ADAMTS20: variants seen among roughly 807,000 people sequenced by gnomAD.
The protein encoded by ADAMTS20 is A disintegrin and metalloproteinase with thrombospondin motifs 20.
ADAMTS20 carries 225 observed loss-of-function variants against 260.1 expected under a neutral mutation model. The observed-to-expected ratio is 0.87, with a 90% confidence interval of 0.78 to 0.97. The LOEUF (loss-of-function observed/expected upper bound fraction) is 0.97. ADAMTS20 is among the 50% of genes least tolerant of loss of function. The probability of loss-of-function intolerance (pLI) is 0.00; values close to 1 mark genes in which losing one functional copy is unlikely to be tolerated. For missense variants in ADAMTS20, 2,400 were observed against 2,337.7 expected, an observed-to-expected ratio of 1.03 and a Z score of -0.55; for synonymous variants, 802 against 769.5, an observed-to-expected ratio of 1.04 and a Z score of -0.70.
chr12:43,489,095 G>A (rs1942564532), intron 7 of ADAMTS20, among the ~76,000 whole-genome samples: 1 of 151,862 alleles, frequency 6.6e-6, no homozygotes, highest in East Asian at 1.9e-4. Flanking sequence ...AAAACTAAAT[G>A]TCTACCTAAT....
chr12:43,377,407 G>C lies in ADAMTS20; in HGVS notation c.4953C>G (p.Ser1651Arg), dbSNP rs775484149. The change falls in exon 32 of 39, where the codon AGC (serine) becomes AGG (arginine). Residue 1651 changes from serine to arginine, a missense_variant. By Grantham distance (110) the Ser-to-Arg change is moderately radical. Transcript: ENST00000389420. ...PSSQVYQCINSCLHLATWKVG... is the reference protein window; with the variant it reads ...PSSQVYQCINRCLHLATWKVG... Reference sequence around the variant, plus strand: ...CTTTCCAAGTGGCCAAATGCAAACAGCTGTTAATGCATTGGTAAACCTGAG... The same window carrying C: ...CTTTCCAAGTGGCCAAATGCAAACACCTGTTAATGCATTGGTAAACCTGAG... The C allele has an allele frequency of 6.2e-7, 1 of 1,613,302 alleles. No individual in the cohort carries two copies. Among genetic ancestry groups the C allele is most frequent in the South Asian group, 1.1e-5 (1 of 90,958 alleles).
chr12:43,518,514 G>C (rs1419614381), intron 3 of ADAMTS20, among the ~76,000 whole-genome samples: 2 of 151,970 alleles, frequency 1.3e-5, no homozygotes, highest in Non-Finnish European at 2.9e-5. Flanking sequence ...CCATAGTTCA[G>C]TCTTTGGATT....
At chr12:43,501,461 A>ACGCGCGCGCG (rs3036316) in intron 4 of ADAMTS20, among the ~76,000 whole-genome samples, 2 of 131,176 alleles carry the variant, frequency 1.5e-5, no homozygotes, top group Non-Finnish European at 3.3e-5. Context: ...GGAGGGGGAT[A>ACGCGCGCGCG]CGCGCGCGCG....
chr12:43,384,081 G>T, intron 29 of ADAMTS20, 104 bp from the exon 30 acceptor site: 1 of 1,036,872 alleles, frequency 9.6e-7, no homozygotes, highest in Non-Finnish European at 1.3e-6. Flanking sequence ...AATACAGCCT[G>T]GTATTAAAAC....
At chr12:43,540,825 A>G (rs1375644186) in intron 2 of ADAMTS20, among the ~76,000 whole-genome samples, 3 of 152,182 alleles carry the variant, frequency 2.0e-5, no homozygotes, top group African/African-American at 7.2e-5. Context: ...TTTCTTGATT[A>G]CTTGATGATC....
chr12:43,528,367 A>C (rs987866507), intron 3 of ADAMTS20, among the ~76,000 whole-genome samples: 1 of 148,518 alleles, frequency 6.7e-6, no homozygotes, highest in Admixed American at 6.7e-5. Flanking sequence ...AAAAAAAAAA[A>C]AAAAAAACAC....
At chr12:43,477,359 A>G (rs1218498953) in intron 7 of ADAMTS20, among the ~76,000 whole-genome samples, 4 of 152,168 alleles carry the variant, frequency 2.6e-5, no homozygotes. Context: ...TGCAAGAAAT[A>G]TATTCAGTAG....
intron 31 of ADAMTS20, among the ~76,000 whole-genome samples, chr12:43,382,946 A>C (rs1940386308): frequency 6.6e-6 from 1 of 152,028 alleles, no homozygotes; most frequent in Admixed American, 6.6e-5. Flanking sequence ...ACATACTACA[A>C]CCTGATCAAA....
In ADAMTS20 at chr12:43,431,458, C is replaced by G; in HGVS notation, c.3135G>C (p.Gln1045His). The G allele has an allele frequency of 1.2e-6, 2 of 1,613,988 alleles. No individual in the cohort carries two copies. The highest frequency in any genetic ancestry group is 1.7e-6 in the Non-Finnish European group (2 of 1,179,866). ...GATCTACATTCAGCTGACACCATAC[C>G]TGCCGCTGCTTTGTTCCTTTACCAC... ...VTCGKGTKQR[Q>H]VWCQLNVDHL... The change falls in exon 22 of 39, where the codon CAG becomes CAC. Residue 1045 changes from glutamine (Q) to histidine (H), a missense_variant. Gln to His is a conservative substitution (Grantham distance 24). Coordinates refer to ENST00000389420, the MANE Select transcript of ADAMTS20 (RefSeq NM_025003.5).
At chr12:43,441,303 A>G (rs934729004) in intron 16 of ADAMTS20, among the ~76,000 whole-genome samples, 2 of 151,816 alleles carry the variant, frequency 1.3e-5, no homozygotes, top group East Asian at 1.9e-4. Context: ...TAGAATATGT[A>G]TATGTGTGTA....
chr12:43,470,982 G>C (rs925230832), intron 7 of ADAMTS20, among the ~76,000 whole-genome samples: 2 of 152,206 alleles, frequency 1.3e-5, no homozygotes, highest in Admixed American at 1.3e-4. Flanking sequence ...TCGGGGAGGA[G>C]CCAAGATGGC....
chr12:43,537,477 CT>C (rs1943312682), intron 2 of ADAMTS20, among the ~76,000 whole-genome samples: 1 of 152,022 alleles, frequency 6.6e-6, no homozygotes, highest in African/African-American at 2.4e-5. Flanking sequence ...GGATATCCAC[CT>C]CCTGAAGCAT....
chr12:43,452,751 TA>T (rs1320080381), intron 12 of ADAMTS20, 56 bp from the exon 13 acceptor site: 1 of 1,425,422 alleles, frequency 7.0e-7, no homozygotes, highest in East Asian at 2.4e-5. Context: ...TTGTGCCACT[TA>T]CTTCTAAAAG....
At chr12:43,476,874 T>C (rs1387019718) in intron 7 of ADAMTS20, among the ~76,000 whole-genome samples, 1 of 150,530 alleles carries the variant, frequency 6.6e-6, no homozygotes, top group Non-Finnish European at 1.5e-5. Context: ...AGGGATAGCA[T>C]TGGGAGATAT....
intron 23 of ADAMTS20, 25 bp from the exon 24 acceptor site, chr12:43,429,749 G>A (rs1254807631): frequency 2.0e-5 from 28 of 1,420,850 alleles, no homozygotes; most frequent in Middle Eastern, 1.8e-4. Context: ...AATGGTTCTC[G>A]TAAAACATTA....
At chr12:43,541,650 G>A (rs1943378193) in intron 2 of ADAMTS20, among the ~76,000 whole-genome samples, 1 of 152,056 alleles carries the variant, frequency 6.6e-6, no homozygotes, top group Non-Finnish European at 1.5e-5. Flanking sequence ...ATCATGCCTA[G>A]GAAATAGTGT....
intron 3 of ADAMTS20, among the ~76,000 whole-genome samples, chr12:43,518,459 A>T (rs985541370): frequency 1.3e-5 from 2 of 152,020 alleles, no homozygotes; most frequent in Non-Finnish European, 2.9e-5. Context: ...CAATCTTCCT[A>T]GTTGATTTCT....
chr12:43,376,331 C>T lies in ADAMTS20; in HGVS notation c.5126-1G>A. The T allele has an allele frequency of 3.9e-6, 6 of 1,546,098 alleles. No homozygotes were observed. The East Asian group carries it at 1.2e-4, about 31-fold the overall frequency. ...TCTTTGCAGGTGGTAAATGATTTAC[C>T]TTCAAAGACAAATTAACACAACTTA... On this transcript the variant is annotated splice_acceptor_variant, in intron 33 of 38. Transcript: ENST00000389420. LOFTEE classifies it high-confidence loss of function.
In ADAMTS20 at chr12:43,428,744, G is replaced by C. The variant is rs1941384794; in HGVS notation, c.3545C>G (p.Ala1182Gly). 6.2e-7 allele frequency: 1 copy of C among 1,611,600 alleles called. No individual in the cohort carries two copies. The highest frequency in any genetic ancestry group is 8.5e-7 in the Non-Finnish European group (1 of 1,178,450). ...TQARYVSCRD[A>G]LDRIADESYC... The stretch of plus-strand genomic sequence containing the variant: ...TGATTCATCTGCTATTCTATCAAGA[G>C]CATCACGACAGCTTACATAGCGGGC... The change falls in exon 25 of 39, where the codon GCT becomes GGT. Residue 1182 changes from alanine to glycine, a missense_variant. Coordinates refer to ENST00000389420, the MANE Select transcript of ADAMTS20 (RefSeq NM_025003.5).
Sources: gnomAD v4.1 joint callset for allele counts (sites outside exome capture counted in the v4.1 genomes callset) on GRCh38, gnomAD v4.1.1 for gene constraint, MANE v1.5 for transcripts, NCBI Gene and HGNC (gene_info 2026-07-23, HGNC 2026-07-21) for gene names.